MID1: variants seen among roughly 807,000 people sequenced by gnomAD.
The protein encoded by MID1 is E3 ubiquitin-protein ligase Midline-1.
Under a neutral mutation model 40.4 loss-of-function variants are expected in MID1, and 7 were observed. That is an observed-to-expected ratio of 0.17 (90% CI 0.10 to 0.33). The LOEUF (loss-of-function observed/expected upper bound fraction) is 0.33. Ranked by LOEUF, MID1 falls within the 10% of genes least tolerant of loss-of-function variation. The pLI is 1.00. For missense variants in MID1, 367 were observed against 558.5 expected (o/e 0.66, Z 3.46); for synonymous variants, 229 against 221.2 (o/e 1.04, Z -0.31).
At chrX:10,481,919 A>G (rs776227022) in intron 5 of MID1, among the ~76,000 whole-genome samples, 2 of 112,261 alleles carry the variant, frequency 1.8e-5, no homozygotes, top group East Asian at 5.6e-4. Flanking sequence ...GAGAATAAAG[A>G]GTATTTTAAA....
chrX:10,590,086 G>C (rs1014764438), intron 1 of MID1, among the ~76,000 whole-genome samples: 5 of 110,618 alleles, frequency 4.5e-5, no homozygotes, highest in Non-Finnish European at 9.4e-5. Flanking sequence ...GGTGGTTAGA[G>C]TGAAACAGAA....
intron 5 of MID1, among the ~76,000 whole-genome samples, chrX:10,477,626 G>A (rs1930086074): frequency 8.9e-6 from 1 of 111,993 alleles, no homozygotes; most frequent in Non-Finnish European, 1.9e-5. Flanking sequence ...TGGATAAGTT[G>A]CCAAATCCAC....
At chrX:10,628,806 A>T (rs1936022093) in intron 1 of MID1, among the ~76,000 whole-genome samples, 1 of 112,167 alleles carries the variant, frequency 8.9e-6, no homozygotes, top group African/African-American at 3.2e-5. Flanking sequence ...ATTTGTGCTG[A>T]ATTAAAAGGC....
At chrX:10,461,102 G>A (rs775438039) in intron 7 of MID1, among the ~76,000 whole-genome samples, 27 of 88,037 alleles carry the variant, frequency 3.1e-4, no homozygotes, top group African/African-American at 1.2e-3. Context: ...ATATATATAT[G>A]TATGTATGTA....
chrX:10,506,209 A>C, intron 3 of MID1: 3 of 960,816 alleles, frequency 3.1e-6, no homozygotes, highest in Non-Finnish European at 2.6e-6. Context: ...AAGAGACTTG[A>C]GTTTAGAGAA....
chrX:10,827,996 A>C (rs2147163920), intron 1 of MID1, among the ~76,000 whole-genome samples: 1 of 111,715 alleles, frequency 9.0e-6, no homozygotes, highest in Admixed American at 9.5e-5. Flanking sequence ...TATCTAAAAG[A>C]GAATAACTCT....
chrX:10,715,733 G>A (rs891901815), intron 1 of MID1, among the ~76,000 whole-genome samples: 1 of 111,883 alleles, frequency 8.9e-6, no homozygotes, highest in African/African-American at 3.2e-5. Flanking sequence ...ATCTGAGAAC[G>A]GACAGACTGC....
At chrX:10,598,510 T>C (rs769078324) in intron 1 of MID1, among the ~76,000 whole-genome samples, 1 of 112,269 alleles carries the variant, frequency 8.9e-6, no homozygotes, top group East Asian at 2.8e-4. Flanking sequence ...AGGGAGATGA[T>C]GCAGGTGGGC....
Position 10,560,134 on chromosome X carries a change from T to G in MID1, c.660+6754A>C, listed in dbSNP as rs1417989640. Among the ~76,000 whole-genome samples the G allele has an allele frequency of 4.5e-5, 5 of 111,064 alleles. No homozygotes were observed. The Admixed American group carries it at 4.8e-4, about 11-fold the overall frequency. ...ACGACCAAGCTCAAGCAATGCTCCT[T>G]TTTGGCCTCCCAAAGTGCTGGGATT... On this transcript the variant is annotated intron_variant, in intron 2 of 9. Coordinates refer to ENST00000317552, the MANE Select transcript of MID1 (RefSeq NM_000381.4).
At chrX:10,549,189 A>G (rs1161182721) in intron 2 of MID1, among the ~76,000 whole-genome samples, 1 of 112,956 alleles carries the variant, frequency 8.9e-6, no homozygotes, top group Non-Finnish European at 1.9e-5. Flanking sequence ...ACAGATAATG[A>G]AAATTTCTGC....
At chrX:10,521,552 T>C (rs1932708674) in intron 3 of MID1, among the ~76,000 whole-genome samples, 2 of 111,235 alleles carry the variant, frequency 1.8e-5, no homozygotes, top group African/African-American at 6.6e-5. Flanking sequence ...TGAATGATAA[T>C]TGTTTAGTTT....
rs761709103 is a variant in MID1 at position 10,461,311 on chromosome X, G to A, written c.1286-1504C>T. ...GACTCATAGAAGGGTTTGAGTGTGTGTGTGTTTATATTTGGAGATTCAGCA... is the reference window on the plus strand; with the variant it reads ...GACTCATAGAAGGGTTTGAGTGTGTATGTGTTTATATTTGGAGATTCAGCA... On this transcript the variant is annotated intron_variant, in intron 7 of 9. Coordinates refer to ENST00000317552, the MANE Select transcript of MID1 (RefSeq NM_000381.4). Among the ~76,000 whole-genome samples the A allele has an allele frequency of 3.5e-4, 38 of 108,935 alleles. No individual in the cohort carries two copies. In the East Asian group the frequency reaches 7.2e-3, roughly 21 times the overall value. The allele number at this position is 108,935 out of a possible 115,157, so 94.6% of individuals were successfully genotyped here.
chrX:10,480,563 T>C (rs1349150270), intron 5 of MID1, among the ~76,000 whole-genome samples: 1 of 112,267 alleles, frequency 8.9e-6, no homozygotes. Flanking sequence ...ATTAGTGTCC[T>C]AGGTACACTG....
chrX:10,682,342 C>A (rs2043066461), intron 1 of MID1, among the ~76,000 whole-genome samples: 1 of 106,823 alleles, frequency 9.4e-6, no homozygotes, highest in South Asian at 3.9e-4. Context: ...TTCTTTTTAT[C>A]TTTTTTTTTT....
chrX:10,531,379 T>C (rs1247927997), intron 2 of MID1, among the ~76,000 whole-genome samples: 1 of 112,397 alleles, frequency 8.9e-6, no homozygotes, highest in Non-Finnish European at 1.9e-5. Context: ...AATTTTTTAA[T>C]GCATTTTTTT....
intron 1 of MID1, among the ~76,000 whole-genome samples, chrX:10,805,758 C>T (rs1405422278): frequency 7.4e-4 from 78 of 105,020 alleles, no homozygotes; most frequent in African/African-American, 2.6e-3. Context: ...TTAATGATTG[C>T]CATTGTAACT....
chrX:10,777,418 C>T (rs1264000712), intron 1 of MID1, among the ~76,000 whole-genome samples: 1 of 108,697 alleles, frequency 9.2e-6, no homozygotes, highest in Non-Finnish European at 1.9e-5. Context: ...AGGATGGTCT[C>T]GATCTCCTGA....
intron 1 of MID1, among the ~76,000 whole-genome samples, chrX:10,827,168 C>T (rs1187340164): frequency 9.0e-6 from 1 of 111,430 alleles, no homozygotes; most frequent in Admixed American, 9.6e-5. Context: ...GGGGAAGATA[C>T]ACCCTATTTC....
intron 1 of MID1, among the ~76,000 whole-genome samples, chrX:10,676,753 G>C (rs1170306721): frequency 9.0e-6 from 1 of 111,426 alleles, no homozygotes; most frequent in African/African-American, 3.3e-5. Flanking sequence ...GGTGGAAGGG[G>C]GGTGTTTGCT....
Sources: allele counts gnomAD v4.1 joint callset (sites outside exome capture counted in the v4.1 genomes callset), GRCh38; gene constraint gnomAD v4.1.1; transcripts MANE v1.5; gene names NCBI Gene and HGNC (gene_info 2026-07-23, HGNC 2026-07-21).